Variants in AGMO observed in about 807,000 individuals in gnomAD.
AGMO encodes alkylglycerol monooxygenase, also known as glyceryl-ether monooxygenase.
AGMO carries 75 observed loss-of-function variants against 60.2 expected under a neutral mutation model. That is an observed-to-expected ratio of 1.25 (90% CI 1.03 to 1.51). The LOEUF (loss-of-function observed/expected upper bound fraction) is 1.51, where lower values mean the gene tolerates loss of function less well. Ranked by LOEUF, AGMO falls within the 40% of genes most tolerant of loss-of-function variation. AGMO has a pLI of 0.00. For missense variants in AGMO, 763 were observed against 525.5 expected, an observed-to-expected ratio of 1.45 and a Z score of -4.42; for synonymous variants, 261 against 177.1, an observed-to-expected ratio of 1.47 and a Z score of -3.76.
At chr7:15,356,953 C>CA (rs917201250) in intron 12 of AGMO, among the ~76,000 whole-genome samples, 19,362 of 68,902 alleles carry the variant, frequency 0.28, 1,900 homozygotes, top group Admixed American at 0.37. Context: ...ACTAAAATTA[C>CA]AAAAAAAAAA....
intron 5 of AGMO, among the ~76,000 whole-genome samples, chr7:15,414,212 A>G (rs28520189): frequency 0.097 from 14,727 of 151,768 alleles, 840 homozygotes; most frequent in South Asian, 0.15. Flanking sequence ...TGTTAGCCAG[A>G]TTGGTCTCGA....
intron 12 of AGMO, among the ~76,000 whole-genome samples, chr7:15,286,777 T>C (rs187788313): frequency 1.2e-3 from 186 of 152,306 alleles, no homozygotes; most frequent in Non-Finnish European, 2.4e-3. Flanking sequence ...TGCATATACA[T>C]GTTTGTTAGA....
chr7:15,379,286 T>C (rs1256288801), intron 10 of AGMO, among the ~76,000 whole-genome samples: 2 of 151,868 alleles, frequency 1.3e-5, no homozygotes, highest in Non-Finnish European at 2.9e-5. Context: ...GCAAAGGAGA[T>C]TGAGACATGA....
the AGMO span, among the ~76,000 whole-genome samples, chr7:15,158,982 G>A: frequency 6.6e-6 from 1 of 152,084 alleles, no homozygotes; most frequent in South Asian, 2.1e-4. Flanking sequence ...GTGAGGGGTA[G>A]ATAAAACTAC....
At chr7:15,145,375 ACT>A in the AGMO span, among the ~76,000 whole-genome samples, 5 of 152,160 alleles carry the variant, frequency 3.3e-5, no homozygotes, top group Non-Finnish European at 1.5e-5. Context: ...AAATGAAAAT[ACT>A]CTTATAGTAT....
At chr7:15,393,465 C>A (rs1784232740) in intron 6 of AGMO, among the ~76,000 whole-genome samples, 1 of 152,192 alleles carries the variant, frequency 6.6e-6, no homozygotes. Flanking sequence ...TAAGATTTAT[C>A]TATTCTACTG....
At chr7:15,529,547 T>A (rs958304824) in intron 3 of AGMO, among the ~76,000 whole-genome samples, 1 of 122,540 alleles carries the variant, frequency 8.2e-6, no homozygotes. Flanking sequence ...ATATATTCTA[T>A]ATATATAGAA....
chr7:15,481,334 A>G (rs968932392), intron 3 of AGMO, among the ~76,000 whole-genome samples: 1 of 152,180 alleles, frequency 6.6e-6, no homozygotes, highest in Non-Finnish European at 1.5e-5. Flanking sequence ...TGAGGGTGAC[A>G]TAAGTGTTGG....
chr7:15,486,363 A>G (rs2128519418), intron 3 of AGMO, among the ~76,000 whole-genome samples: 1 of 152,320 alleles, frequency 6.6e-6, no homozygotes, highest in East Asian at 1.9e-4. Context: ...TTATTAAAAA[A>G]ACATATTTTC....
At chr7:15,342,701 A>G (rs1452443279) in intron 12 of AGMO, among the ~76,000 whole-genome samples, 1 of 149,910 alleles carries the variant, frequency 6.7e-6, no homozygotes, top group African/African-American at 2.5e-5. Context: ...ATATTTAGAA[A>G]AGGAACTGTC....
intron 12 of AGMO, among the ~76,000 whole-genome samples, chr7:15,305,289 C>G (rs1475276005): frequency 6.7e-6 from 1 of 150,216 alleles, no homozygotes; most frequent in African/African-American, 2.4e-5. Context: ...AAAAATATTG[C>G]CTAAAATAAG....
intron 12 of AGMO, among the ~76,000 whole-genome samples, chr7:15,354,589 A>G (rs1458795112): frequency 1.5e-4 from 20 of 135,132 alleles, no homozygotes; most frequent in Non-Finnish European, 2.7e-4. Context: ...ATTGCATGTG[A>G]TGGAATGATA....
At chr7:15,460,106 C>CTTTTTTTTT (rs67388173) in intron 3 of AGMO, among the ~76,000 whole-genome samples, 15 of 121,696 alleles carry the variant, frequency 1.2e-4, no homozygotes, top group South Asian at 2.7e-4. Context: ...CCAATTTCCC[C>CTTTTTTTTT]TTTTTTTTTT....
intron 3 of AGMO, among the ~76,000 whole-genome samples, chr7:15,472,685 G>C (rs1276620975): frequency 1.3e-5 from 2 of 151,906 alleles, no homozygotes; most frequent in African/African-American, 4.8e-5. Context: ...AATATTATGT[G>C]ATCATATTTT....
intron 12 of AGMO, among the ~76,000 whole-genome samples, chr7:15,268,918 T>C (rs1025328097): frequency 1.1e-4 from 16 of 152,052 alleles, no homozygotes; most frequent in Non-Finnish European, 4.4e-5. Context: ...GTCATGACTG[T>C]TGAAGCTGGG....
intron 2 of AGMO, among the ~76,000 whole-genome samples, chr7:15,554,130 G>A (rs1785060229): frequency 6.6e-6 from 1 of 152,040 alleles, no homozygotes; most frequent in African/African-American, 2.4e-5. Context: ...GCAGAAAATA[G>A]CACCTACATT....
intron 5 of AGMO, among the ~76,000 whole-genome samples, chr7:15,414,517 G>C (rs555605026): frequency 4.0e-5 from 6 of 151,744 alleles, no homozygotes; most frequent in African/African-American, 1.4e-4. Context: ...GAGAAAGGTG[G>C]GGAGAGAGAG....
chr7:15,228,561 A>C (rs1156592715), intron 12 of AGMO, among the ~76,000 whole-genome samples: 2 of 152,186 alleles, frequency 1.3e-5, no homozygotes, highest in African/African-American at 4.8e-5. Context: ...AGGCAGAATC[A>C]CATATTGCAA....
At chr7:15,383,925 A>T (rs1425040950) in intron 10 of AGMO, among the ~76,000 whole-genome samples, 1 of 151,704 alleles carries the variant, frequency 6.6e-6, no homozygotes, top group Non-Finnish European at 1.5e-5. Flanking sequence ...TGATTAATTT[A>T]GTCCATCTAT....
Sources: allele counts gnomAD v4.1 joint callset (sites outside exome capture counted in the v4.1 genomes callset), GRCh38; gene constraint gnomAD v4.1.1; transcripts MANE v1.5; gene names NCBI Gene and HGNC (gene_info 2026-07-23, HGNC 2026-07-21).